MRTFB: variants seen among roughly 807,000 people sequenced by gnomAD.
MRTFB encodes myocardin related transcription factor B, also known as myocardin-related transcription factor B.
MRTFB carries 29 observed loss-of-function variants against 104.2 expected under a neutral mutation model. The ratio of observed to expected loss-of-function variants is 0.28; its 90% CI spans 0.21 to 0.38. The LOEUF (loss-of-function observed/expected upper bound fraction) is 0.38, where lower values mean the gene tolerates loss of function less well. Among genes scored for constraint, MRTFB ranks in the 10% least tolerant of loss-of-function variants. The pLI is 1.00. For synonymous variants in MRTFB, 535 were observed against 519.5 expected, an observed-to-expected ratio of 1.03 and a Z score of -0.41; for missense variants, 1,270 against 1,341.6, an observed-to-expected ratio of 0.95 and a Z score of 0.83.
At chr16:14,243,864 G>GTTTTGTTTTTTTTTTTTTT (rs2042890657) in intron 10 of MRTFB, among the ~76,000 whole-genome samples, 1 of 124,676 alleles carries the variant, frequency 8.0e-6, no homozygotes, top group African/African-American at 3.8e-5. Flanking sequence ...CCTGTTTTGG[G>GTTTTGTTTTTTTTTTTTTT]TTTTTTTTTT....
chr16:14,235,440 T>C (rs911368588), intron 9 of MRTFB, among the ~76,000 whole-genome samples: 2 of 152,172 alleles, frequency 1.3e-5, no homozygotes, highest in Admixed American at 1.3e-4. Flanking sequence ...TGCACAGCCC[T>C]CCTTCCCTGC....
Position 14,261,161 on chromosome 16 carries a change from G to C in MRTFB, c.3017G>C (p.Arg1006Thr). Reference protein sequence around the residue: ...IPPLQSSSEDREPFSLIEDLQ... With the variant: ...IPPLQSSSEDTEPFSLIEDLQ... ...CCACTACAAAGCAGCAGTGAAGACA[G>C]AGAGCCCTTCTCTCTGATCGAGGAC... The change falls in exon 17 of 17, where the codon AGA (arginine) becomes ACA (threonine). Residue 1006 changes from arginine (R) to threonine (T), a missense_variant. Arg to Thr is a moderately conservative substitution (Grantham distance 71). Coordinates refer to ENST00000571589, the MANE Select transcript of MRTFB (RefSeq NM_001308142.2). The C allele has an allele frequency of 6.2e-7, 1 of 1,614,184 alleles. No homozygotes were observed. The highest frequency in any genetic ancestry group is 8.5e-7 in the Non-Finnish European group (1 of 1,180,034).
chr16:14,197,190 T>G (rs1307759292), intron 3 of MRTFB, among the ~76,000 whole-genome samples: 1 of 151,972 alleles, frequency 6.6e-6, no homozygotes, highest in Non-Finnish European at 1.5e-5. Flanking sequence ...GCCAGGCTGG[T>G]CTCGAACTCC....
rs750036094 is a variant in MRTFB at position 14,234,224 on chromosome 16, G to C, written c.772G>C (p.Ala258Pro). The C allele has an allele frequency of 9.3e-6, 15 of 1,613,994 alleles. No individual in the cohort carries two copies. The East Asian group carries it at 2.9e-4, about 31-fold the overall frequency. ...TADQPPPRPA[A>P]PVLPTNTVSS... is the part of the protein sequence containing the mutation. The stretch of plus-strand genomic sequence containing the variant: ...AGATCAGCCTCCCCCACGGCCTGCA[G>C]CTCCTGTCCTCCCCACAAACACTGT... Residue 258 changes from alanine to proline, a missense_variant, in exon 9 of 17, where the codon GCT becomes CCT. Around this residue, in one of 3 missense-constraint regions of MRTFB, gnomAD observed 1,144 missense variants for 1,131.5 expected, o/e 1.01. Transcript: ENST00000571589.
the MRTFB span, among the ~76,000 whole-genome samples, chr16:14,012,491 G>T: frequency 2.0e-5 from 3 of 151,436 alleles, no homozygotes; most frequent in African/African-American, 7.3e-5. Context: ...GTAGAGATGG[G>T]GTTTCTCCGT....
chr16:14,200,778 C>G, intron 3 of MRTFB: 1 of 1,467,694 alleles, frequency 6.8e-7, no homozygotes, highest in East Asian at 2.3e-5. Flanking sequence ...GTGATACTTG[C>G]CTTCAGTGCA....
At chr16:14,046,739 G>A in the MRTFB span, among the ~76,000 whole-genome samples, 1 of 152,158 alleles carries the variant, frequency 6.6e-6, no homozygotes, top group Admixed American at 6.5e-5. Flanking sequence ...ATACAGCTTT[G>A]ATTTGAGGAG....
intron 4 of MRTFB, among the ~76,000 whole-genome samples, chr16:14,211,653 A>T (rs2041194561): frequency 6.6e-6 from 1 of 152,228 alleles, no homozygotes; most frequent in Non-Finnish European, 1.5e-5. Context: ...TTACCCTCAC[A>T]CTAGGATTCC....
At chr16:14,241,982 T>G (rs1289399271) in intron 10 of MRTFB, among the ~76,000 whole-genome samples, 1 of 132,828 alleles carries the variant, frequency 7.5e-6, no homozygotes, top group East Asian at 2.0e-4. Flanking sequence ...ATAATAATAA[T>G]AATAATAATA....
At chr16:14,032,460 T>C in the MRTFB span, among the ~76,000 whole-genome samples, 2 of 152,230 alleles carry the variant, frequency 1.3e-5, no homozygotes, top group African/African-American at 4.8e-5. Context: ...AGCATTGGAA[T>C]TGAACTTGAA....
intron 16 of MRTFB, among the ~76,000 whole-genome samples, chr16:14,260,178 A>C (rs2043705562): frequency 7.2e-5 from 11 of 152,236 alleles, no homozygotes; most frequent in Admixed American, 7.2e-4. Flanking sequence ...AGCTCAGAAA[A>C]CAAGACCAAA....
chr16:14,183,569 A>G (rs2039842370), intron 3 of MRTFB, among the ~76,000 whole-genome samples: 2 of 152,110 alleles, frequency 1.3e-5, no homozygotes, highest in South Asian at 2.1e-4. Flanking sequence ...GCAGTCATCA[A>G]TATCATCTTG....
At chr16:14,213,306 T>C (rs1382651465) in intron 5 of MRTFB, among the ~76,000 whole-genome samples, 2 of 152,236 alleles carry the variant, frequency 1.3e-5, no homozygotes, top group Non-Finnish European at 2.9e-5. Flanking sequence ...GTTCATAAGT[T>C]TTAAAAGTTT....
intron 3 of MRTFB, among the ~76,000 whole-genome samples, chr16:14,207,920 G>T (rs1368448111): frequency 6.6e-6 from 1 of 152,166 alleles, no homozygotes; most frequent in African/African-American, 2.4e-5. Context: ...TGAAGTGAGG[G>T]CAGTCTCTTG....
rs57360069 is a variant in MRTFB at position 14,161,085 on chromosome 16, C to CTTTTTTTTTTTT, written c.154+20340_154+20351dup. 9.4e-5 allele frequency among the ~76,000 whole-genome samples: 5 copies of CTTTTTTTTTTTT among 53,124 alleles called. 2 individuals carry two copies. Among genetic ancestry groups the CTTTTTTTTTTTT allele is most frequent in the African/African-American group, 2.9e-4 (3 of 10,288 alleles). The allele number at this position is 53,124 out of a possible 152,430, so 34.9% of individuals were successfully genotyped here. A position where few individuals can be genotyped will look rare whatever the true frequency, so the allele number is the denominator to read the frequency against. On this transcript the variant is annotated intron_variant, in intron 3 of 16. Coordinates refer to ENST00000571589, the MANE Select transcript of MRTFB (RefSeq NM_001308142.2). ...TCTGTTTTAGTAGGTAATGCCAGGA[C>CTTTTTTTTTTTT]TTTTTTTTTTTTTTTTTTTTTTTTT...
At chr16:14,238,953 C>T (rs544225289) in intron 9 of MRTFB, among the ~76,000 whole-genome samples, 5 of 152,280 alleles carry the variant, frequency 3.3e-5, no homozygotes, top group African/African-American at 1.2e-4. Flanking sequence ...ATAGCCTTTG[C>T]CAATTCCCAT....
chr16:14,007,537 T>C, the MRTFB span, among the ~76,000 whole-genome samples: 3 of 152,366 alleles, frequency 2.0e-5, no homozygotes, highest in East Asian at 3.9e-4. Flanking sequence ...TGAACATTCA[T>C]GTACAAGTTT....
chr16:14,019,604 A>G, the MRTFB span: 1 of 152,130 alleles, frequency 6.6e-6, no homozygotes, highest in African/African-American at 2.4e-5. Context: ...TTTCTCCTCC[A>G]TGACCCACAT....
intron 2 of MRTFB, among the ~76,000 whole-genome samples, chr16:14,131,822 T>C (rs2037456720): frequency 6.6e-6 from 1 of 151,686 alleles, no homozygotes; most frequent in South Asian, 2.1e-4. Flanking sequence ...ACCCCAACTT[T>C]TGCTGGTGGG....
Sources: gnomAD v4.1 joint callset for allele counts (sites outside exome capture counted in the v4.1 genomes callset) on GRCh38, gnomAD v4.1.1 for gene constraint, gnomAD v4.1.1 regional missense constraint, MANE v1.5 for transcripts, NCBI Gene and HGNC (gene_info 2026-07-23, HGNC 2026-07-21) for gene names.